The following GRID1 variants were observed in gnomAD, a reference collection of about 807,000 sequenced individuals.
GRID1 encodes the protein glutamate receptor ionotropic, delta-1.
GRID1 carries 28 observed loss-of-function variants against 98.0 expected under a neutral mutation model. The observed-to-expected ratio is 0.29, with a 90% CI of 0.21 to 0.39. The LOEUF is 0.39. Among genes scored for constraint, GRID1 ranks in the 10% least tolerant of loss-of-function variants. GRID1 has a pLI of 1.00. For synonymous variants in GRID1, 553 were observed against 538.5 expected (o/e 1.03, Z -0.37); for missense variants, 1,111 against 1,340.5 (o/e 0.83, Z 2.67).
intron 2 of GRID1, among the ~76,000 whole-genome samples, chr10:86,215,893 A>C (rs1403252016): frequency 6.6e-6 from 1 of 151,990 alleles, no homozygotes; most frequent in Non-Finnish European, 1.5e-5. Flanking sequence ...AGTTTGTGAG[A>C]TCCTCCACCG....
chr10:86,137,149 T>C (rs1589384076), intron 4 of GRID1, among the ~76,000 whole-genome samples: 1 of 152,248 alleles, frequency 6.6e-6, no homozygotes, highest in East Asian at 1.9e-4. Context: ...ATGTGTTAAA[T>C]CCTCACAGGG....
rs183652660 is a variant in GRID1, at chr10:86,265,337, A to T, written c.236-58689T>A. On this transcript the variant is annotated intron_variant, in intron 2 of 15. Transcript: ENST00000327946. ...AAAAGTGATCCGAGTTCTGAATTTC[A>T]GCAGCATTTGATCATTTCAACTGGA... is the stretch of plus-strand genomic sequence containing the variant. Among the ~76,000 whole-genome samples, 186 of 152,362 alleles carry T rather than the reference A, an allele frequency of 1.2e-3. 1 individual carries two copies. Among genetic ancestry groups the T allele is most frequent in the African/African-American group, 4.4e-3 (181 of 41,596 alleles).
intron 12 of GRID1, among the ~76,000 whole-genome samples, chr10:85,702,990 T>A (rs1841470126): frequency 7.3e-6 from 1 of 136,396 alleles, no homozygotes; most frequent in Non-Finnish European, 1.6e-5. Context: ...GAGGAGGAAA[T>A]AAGGAGATGA....
intron 3 of GRID1, among the ~76,000 whole-genome samples, chr10:86,140,140 T>G (rs1369562802): frequency 1.3e-5 from 2 of 152,168 alleles, no homozygotes; most frequent in African/African-American, 4.8e-5. Context: ...AGAGTCTCAA[T>G]CCACAGGCCA....
At chr10:86,314,687 A>T (rs563954581) in intron 2 of GRID1, among the ~76,000 whole-genome samples, 1 of 152,116 alleles carries the variant, frequency 6.6e-6, no homozygotes, top group Non-Finnish European at 1.5e-5. Context: ...TGAAGGTGGC[A>T]CCTCTTATGA....
At chr10:86,360,694 T>C (rs1848589033) in intron 2 of GRID1, among the ~76,000 whole-genome samples, 1 of 152,224 alleles carries the variant, frequency 6.6e-6, no homozygotes, top group South Asian at 2.1e-4. Flanking sequence ...CCGCAGGCCT[T>C]ATGTAGATGA....
rs1404705343 is a variant in GRID1 at position 85,733,820 on chromosome 10, G to A, written c.1234-4206C>T. 4.6e-5 allele frequency among the ~76,000 whole-genome samples: 7 copies of A among 151,984 alleles called. No homozygotes were observed. In the East Asian group the frequency reaches 9.7e-4, roughly 21 times the overall value. ...TCAATTATGTTTTTTTAAAAGCAGT[G>A]GTAAAAACGGGAGAAGACACGTTAA... is the stretch of plus-strand genomic sequence containing the variant. On this transcript the variant is annotated intron_variant, in intron 8 of 15. Transcript: ENST00000327946.
intron 4 of GRID1, among the ~76,000 whole-genome samples, chr10:86,059,648 G>A (rs1843622554): frequency 1.3e-5 from 2 of 152,160 alleles, no homozygotes; most frequent in African/African-American, 2.4e-5. Flanking sequence ...AAAAACATTA[G>A]CCTGAAATGA....
chr10:86,114,076 G>A (rs906708520), intron 4 of GRID1, among the ~76,000 whole-genome samples: 12 of 152,166 alleles, frequency 7.9e-5, no homozygotes, highest in Non-Finnish European at 1.3e-4. Context: ...CCTCCATCTC[G>A]GTGGGATCAT....
chr10:85,775,546 A>T (rs1842322524), intron 8 of GRID1, among the ~76,000 whole-genome samples: 1 of 152,100 alleles, frequency 6.6e-6, no homozygotes. Flanking sequence ...GGAGGAAGGG[A>T]GGGGAGAGTG....
At chr10:86,111,007 A>G (rs918534461) in intron 4 of GRID1, among the ~76,000 whole-genome samples, 1 of 152,220 alleles carries the variant, frequency 6.6e-6, no homozygotes, top group African/African-American at 2.4e-5. Flanking sequence ...CTCAGTAGCT[A>G]AAACAAGCAT....
At position 85,635,727 on chromosome 10, in the gene GRID1, T is replaced by A. The variant is rs182191652; in HGVS notation, c.2193+11475A>T. Among the ~76,000 whole-genome samples the A allele has an allele frequency of 7.9e-5, 12 of 152,188 alleles. No individual in the cohort carries two copies. In the East Asian group the frequency reaches 2.3e-3, roughly 30 times the overall value. ...GATGGCATCTGGTGAGGCTGCACTC[T>A]GGGATGCACTGTGTGGTAAGGGGAA... On this transcript the variant is annotated intron_variant, in intron 13 of 15. Transcript: ENST00000327946.
intron 2 of GRID1, among the ~76,000 whole-genome samples, chr10:86,321,689 T>C (rs997723086): frequency 1.3e-5 from 2 of 152,074 alleles, no homozygotes; most frequent in African/African-American, 2.4e-5. Flanking sequence ...GGCAGGGCCA[T>C]GATGCCAAGC....
At chr10:86,164,772 C>T (rs1460646504) in intron 3 of GRID1, among the ~76,000 whole-genome samples, 3 of 152,062 alleles carry the variant, frequency 2.0e-5, no homozygotes, top group Non-Finnish European at 2.9e-5. Context: ...CCTCCAGGAC[C>T]GATGGAAGCC....
At chr10:85,895,247 C>T (rs1273340435) in intron 5 of GRID1, among the ~76,000 whole-genome samples, 1 of 151,780 alleles carries the variant, frequency 6.6e-6, no homozygotes, top group East Asian at 1.9e-4. Context: ...TGGTCCACAT[C>T]CCATCATCTC....
intron 5 of GRID1, among the ~76,000 whole-genome samples, chr10:85,903,645 G>A (rs978298300): frequency 1.3e-5 from 2 of 152,014 alleles, no homozygotes; most frequent in Non-Finnish European, 2.9e-5. Flanking sequence ...AATAAGAATC[G>A]TGTCTTACAA....
chr10:85,974,244 C>T (rs1247148396), intron 4 of GRID1, among the ~76,000 whole-genome samples: 2 of 152,134 alleles, frequency 1.3e-5, no homozygotes, highest in African/African-American at 2.4e-5. Flanking sequence ...AAAGAAATAC[C>T]GAGGGAAAGT....
At chr10:86,313,764 T>C (rs1470525689) in intron 2 of GRID1, among the ~76,000 whole-genome samples, 1 of 152,208 alleles carries the variant, frequency 6.6e-6, no homozygotes, top group African/African-American at 2.4e-5. Context: ...GGCTGCACCC[T>C]GCGCTGGGGC....
intron 13 of GRID1, among the ~76,000 whole-genome samples, chr10:85,620,312 G>A (rs1842844600): frequency 6.6e-6 from 1 of 152,228 alleles, no homozygotes; most frequent in East Asian, 1.9e-4. Flanking sequence ...TCTAAGACGA[G>A]CTTCCTGGTC....
Sources: allele counts gnomAD v4.1 joint callset (sites outside exome capture counted in the v4.1 genomes callset), GRCh38; gene constraint gnomAD v4.1.1; transcripts MANE v1.5; gene names NCBI Gene and HGNC (gene_info 2026-07-23, HGNC 2026-07-21).